The following USP48 variants were observed in gnomAD, a reference collection of about 807,000 sequenced individuals.
USP48 encodes ubiquitin carboxyl-terminal hydrolase 48.
A neutral mutation model predicts 150.7 loss-of-function variants in USP48; 43 were observed. The ratio of observed to expected loss-of-function variants is 0.29; its 90% CI spans 0.22 to 0.37. USP48 has a LOEUF of 0.37. Ranked by LOEUF, USP48 falls within the 10% of genes least tolerant of loss-of-function variation. The pLI is 1.00. For missense variants in USP48, 813 were observed against 1,249.6 expected (o/e 0.65, Z 5.27); for synonymous variants, 396 against 425.9 (o/e 0.93, Z 0.86).
At chr1:21,738,442 GC>G (rs1557536618) in intron 8 of USP48, among the ~76,000 whole-genome samples, 1 of 142,596 alleles carries the variant, frequency 7.0e-6, no homozygotes, top group Non-Finnish European at 1.5e-5. Flanking sequence ...TGCAACCTCC[GC>G]CCCCCTGGGG....
intron 25 of USP48, among the ~76,000 whole-genome samples, chr1:21,682,876 A>C (rs1345402221): frequency 6.7e-6 from 1 of 148,992 alleles, no homozygotes; most frequent in Admixed American, 6.7e-5. Context: ...CCATCTCAGA[A>C]AAAAAAAAAA....
At chr1:21,770,481 C>CTTTT (rs548583450) in intron 1 of USP48, among the ~76,000 whole-genome samples, 26 of 115,840 alleles carry the variant, frequency 2.2e-4, no homozygotes, top group African/African-American at 8.3e-4. Flanking sequence ...AATCAAGTGT[C>CTTTT]TTTTTTTTTT....
chr1:21,758,116 G>C (rs951576295), intron 1 of USP48, among the ~76,000 whole-genome samples: 1 of 150,218 alleles, frequency 6.7e-6, no homozygotes, highest in Non-Finnish European at 1.5e-5. Flanking sequence ...CAAAATATTG[G>C]AAGCCACCCA....
At chr1:21,737,245 A>C (rs1167521206) in intron 8 of USP48, among the ~76,000 whole-genome samples, 2 of 152,170 alleles carry the variant, frequency 1.3e-5, no homozygotes, top group Admixed American at 1.3e-4. Flanking sequence ...TCACATTAGC[A>C]CCTTCAGATC....
At chr1:21,704,231 T>C in intron 20 of USP48, 31 bp downstream of exon 20, 1 of 1,601,686 alleles carries the variant, frequency 6.2e-7, no homozygotes, top group Non-Finnish European at 8.5e-7. Context: ...AGCTCTTAAC[T>C]ATAGAAACCG....
chr1:21,703,910 A>G (rs1156638355), intron 20 of USP48, among the ~76,000 whole-genome samples: 1 of 152,112 alleles, frequency 6.6e-6, no homozygotes, highest in Admixed American at 6.5e-5. Flanking sequence ...TTTTGTAGAG[A>G]GAAGGTCTTG....
Position 21,726,902 on chromosome 1 carries a change from A to AAATGC in USP48, c.1450+1667_1450+1668insGCATT, listed in dbSNP as rs1283974721. Among the ~76,000 whole-genome samples, 5 of 152,312 alleles carry AAATGC rather than the reference A, an allele frequency of 3.3e-5. No homozygotes were observed. The South Asian group carries it at 1.0e-3, about 32-fold the overall frequency. On this transcript the variant is annotated intron_variant, in intron 11 of 26. Coordinates refer to ENST00000308271, the MANE Select transcript of USP48 (RefSeq NM_032236.8). ...ACCTCAGCATTTGATGAGGAAAGCA[A>AAATGC]AATATTAAAATATTTACCACAGGGA...
chr1:21,693,751 A>G (rs947788868), intron 23 of USP48, among the ~76,000 whole-genome samples: 3 of 152,254 alleles, frequency 2.0e-5, no homozygotes, highest in African/African-American at 7.2e-5. Flanking sequence ...AAGGTTTCTT[A>G]GATGTAAAAG....
chr1:21,765,901 CAAAAAA>C (rs199539331), intron 1 of USP48, among the ~76,000 whole-genome samples: 4 of 112,138 alleles, frequency 3.6e-5, no homozygotes, highest in Non-Finnish European at 6.8e-5. Context: ...ACTCCATCTC[CAAAAAA>C]AAAAAAAAAA....
chr1:21,713,988 C>T (rs1332335146), intron 15 of USP48, among the ~76,000 whole-genome samples: 6 of 152,136 alleles, frequency 3.9e-5, no homozygotes, highest in Admixed American at 2.6e-4. Context: ...AGCTAAAGTG[C>T]AGTGAGATAA....
chr1:21,726,513 T>C (rs556652598), intron 11 of USP48: 10 of 152,218 alleles, frequency 6.6e-5, no homozygotes, highest in Non-Finnish European at 4.4e-5. Flanking sequence ...GTTCTCCAGA[T>C]TTCACTTTAG....
intron 1 of USP48, among the ~76,000 whole-genome samples, chr1:21,763,840 G>T (rs1031937249): frequency 3.3e-5 from 5 of 152,118 alleles, no homozygotes; most frequent in Admixed American, 2.6e-4. Context: ...AGGAAGGAAG[G>T]GAGGGAGGGA....
chr1:21,782,684 C>A (rs959233371), intron 1 of USP48, 140 bp downstream of exon 1: 2 of 1,319,244 alleles, frequency 1.5e-6, no homozygotes, highest in South Asian at 1.6e-5. Flanking sequence ...GCAGACGGCG[C>A]AAAGGGGGAA....
chr1:21,721,365 T>G (rs1481510472), intron 13 of USP48, among the ~76,000 whole-genome samples, 199 bp from the exon 14 acceptor site: 2 of 152,248 alleles, frequency 1.3e-5, no homozygotes, highest in Non-Finnish European at 2.9e-5. Flanking sequence ...ATATTTTGTT[T>G]CCATTCTAAA....
chr1:21,747,444 T>C (rs1305938097), intron 7 of USP48, among the ~76,000 whole-genome samples: 2 of 152,232 alleles, frequency 1.3e-5, no homozygotes, highest in Admixed American at 6.5e-5. Context: ...GTGCAAACAT[T>C]GCCTTGATTT....
intron 15 of USP48, among the ~76,000 whole-genome samples, chr1:21,711,619 C>T (rs915701429): frequency 3.3e-5 from 5 of 152,154 alleles, no homozygotes; most frequent in African/African-American, 9.7e-5. Context: ...AAGATACTTA[C>T]GGAAAAACCT....
At chr1:21,688,799 T>C (rs1219512115) in intron 24 of USP48, among the ~76,000 whole-genome samples, 9 of 137,132 alleles carry the variant, frequency 6.6e-5, no homozygotes, top group South Asian at 2.3e-4. Flanking sequence ...GCCGAGATTG[T>C]GCCACTGCAC....
Position 21,728,765 on chromosome 1 carries a change from C to T in USP48, c.1301-46G>A. The T allele has an allele frequency of 3.1e-6, 5 of 1,600,350 alleles. No homozygotes were observed. In the South Asian group the frequency reaches 5.6e-5, roughly 18 times the overall value. On this transcript the variant is annotated intron_variant, in intron 10 of 26. Coordinates refer to ENST00000308271, the MANE Select transcript of USP48 (RefSeq NM_032236.8). ...AAAAACAACTTTATTCTTGTTTTCA[C>T]ATATAGTGAACCATGCTAATCTCTA...
chr1:21,756,275 G>A (rs1052530114), intron 3 of USP48, among the ~76,000 whole-genome samples: 2 of 151,600 alleles, frequency 1.3e-5, no homozygotes, highest in Non-Finnish European at 2.9e-5. Context: ...GAGGTCAGGA[G>A]TTCGAGACTA....
Sources: allele counts gnomAD v4.1 joint callset (sites outside exome capture counted in the v4.1 genomes callset), GRCh38; gene constraint gnomAD v4.1.1; transcripts MANE v1.5; gene names NCBI Gene and HGNC (gene_info 2026-07-23, HGNC 2026-07-21).